Variants in LRRFIP2 observed in about 807,000 individuals in gnomAD.
The protein encoded by LRRFIP2 is LRR binding FLII interacting protein 2.
Under a neutral mutation model 125.9 loss-of-function variants are expected in LRRFIP2, and 109 were observed. That is an observed-to-expected ratio of 0.87 (90% CI 0.74 to 1.01). LRRFIP2 has a LOEUF of 1.01. LRRFIP2 is among the 50% of genes least tolerant of loss of function. The pLI, the probability that LRRFIP2 is intolerant of heterozygous loss-of-function variation, is 0.00. For synonymous variants in LRRFIP2, 291 were observed against 293.1 expected (o/e 0.99, Z 0.07); for missense variants, 850 against 862.3 (o/e 0.99, Z 0.18).
chr3:37,163,736 T>C (rs891960033), intron 1 of LRRFIP2, among the ~76,000 whole-genome samples: 1 of 152,162 alleles, frequency 6.6e-6, no homozygotes, highest in South Asian at 2.1e-4. Flanking sequence ...TTTTTCAAAA[T>C]TAAAAATTTT....
chr3:37,098,812 T>C lies in LRRFIP2; in HGVS notation c.874-2152A>G, dbSNP rs79815703. ...ATTATTCTTCAAGATGAAAGAAATATTATATTTGAATAAACTGCCTTATCT... is the reference window on the plus strand; with the variant it reads ...ATTATTCTTCAAGATGAAAGAAATACTATATTTGAATAAACTGCCTTATCT... On this transcript the variant is annotated intron_variant, in intron 15 of 27. Transcript: ENST00000336686. 5.3e-4 allele frequency among the ~76,000 whole-genome samples: 81 copies of C among 152,332 alleles called. No homozygotes were observed. The East Asian group carries it at 7.9e-3, about 15-fold the overall frequency.
At chr3:37,113,110 C>T in intron 7 of LRRFIP2, 130 bp from the exon 8 acceptor site, 1 of 514,178 alleles carries the variant, frequency 1.9e-6, no homozygotes, top group Non-Finnish European at 3.5e-6. Flanking sequence ...CAATTTATTT[C>T]CCAAAGGTTA....
chr3:37,113,694 T>A (rs2094643200), intron 7 of LRRFIP2, among the ~76,000 whole-genome samples: 1 of 152,154 alleles, frequency 6.6e-6, no homozygotes, highest in East Asian at 1.9e-4. Context: ...AAAACAGGAC[T>A]GAGAGAACAA....
chr3:37,087,403 T>C (rs1035956190), intron 18 of LRRFIP2, among the ~76,000 whole-genome samples: 1 of 152,132 alleles, frequency 6.6e-6, no homozygotes, highest in South Asian at 2.1e-4. Context: ...GAATTTAAGA[T>C]AGCTCAAGTA....
intron 17 of LRRFIP2, among the ~76,000 whole-genome samples, chr3:37,094,262 T>C (rs547859349): frequency 6.6e-6 from 1 of 152,224 alleles, no homozygotes; most frequent in Non-Finnish European, 1.5e-5. Flanking sequence ...TTTTTTAAAG[T>C]TCTCTTTTTC....
intron 4 of LRRFIP2, 118 bp downstream of exon 4, chr3:37,127,512 T>G: frequency 1.0e-6 from 1 of 980,964 alleles, no homozygotes; most frequent in Non-Finnish European, 1.6e-6. Flanking sequence ...CACTCTGACC[T>G]TTAGGTTCAC....
chr3:37,176,210 G>C (rs2096660671), upstream of LRRFIP2: 1 of 152,322 alleles, frequency 6.6e-6, no homozygotes, highest in African/African-American at 2.4e-5. Context: ...GATGGACGCG[G>C]CGGCTCCCGG....
At chr3:37,147,485 T>C (rs540690691) in intron 2 of LRRFIP2, among the ~76,000 whole-genome samples, 3 of 152,304 alleles carry the variant, frequency 2.0e-5, no homozygotes, top group African/African-American at 7.2e-5. Context: ...TTTGTTATAG[T>C]AATATCACAA....
intron 1 of LRRFIP2, among the ~76,000 whole-genome samples, chr3:37,149,332 C>A (rs999035302): frequency 1.3e-5 from 2 of 152,132 alleles, no homozygotes; most frequent in Non-Finnish European, 2.9e-5. Flanking sequence ...GCCTGGCCAA[C>A]ATGGTGAAAC....
Position 37,148,896 on chromosome 3 carries a change from C to G in LRRFIP2, c.88G>C (p.Glu30Gln). 3.1e-6 allele frequency: 5 copies of G among 1,614,070 alleles called. No individual in the cohort carries two copies. Among genetic ancestry groups the G allele is most frequent in the Non-Finnish European group, 4.2e-6 (5 of 1,179,972 alleles). ...EDEALSNIAR[E>Q]AEARLAAKRA... ...GAGAGGGGATTTACCAAACATACCT[C>G]TCTGGCAATGTTACTCAAAGCTTCA... Residue 30 changes from glutamate to glutamine, a missense_variant and splice_region_variant, in exon 2 of 28, where the codon GAG becomes CAG. Glu to Gln is a conservative substitution (Grantham distance 29, BLOSUM62 2). Transcript: ENST00000336686.
intron 19 of LRRFIP2, among the ~76,000 whole-genome samples, chr3:37,082,169 C>CA (rs2092698557): frequency 1.3e-5 from 2 of 151,814 alleles, no homozygotes; most frequent in African/African-American, 4.8e-5. Context: ...TGTGGGACAG[C>CA]AAAAAAAGGA....
chr3:37,088,641 G>GT (rs2093239440), intron 18 of LRRFIP2, among the ~76,000 whole-genome samples: 1 of 150,622 alleles, frequency 6.6e-6, no homozygotes, highest in Non-Finnish European at 1.5e-5. Flanking sequence ...GCAAGACTCC[G>GT]TATCTATAAA....
intron 19 of LRRFIP2, among the ~76,000 whole-genome samples, chr3:37,080,758 A>ATC (rs1456475479): frequency 6.6e-6 from 1 of 152,158 alleles, no homozygotes; most frequent in Non-Finnish European, 1.5e-5. Flanking sequence ...CAACATATAT[A>ATC]TTATAAGGAG....
intron 24 of LRRFIP2, among the ~76,000 whole-genome samples, chr3:37,059,262 G>A (rs995712773): frequency 2.0e-4 from 31 of 151,992 alleles, no homozygotes; most frequent in African/African-American, 7.3e-4. Flanking sequence ...CTATGTATCA[G>A]GCTACTTGGG....
rs986231139 is a variant in LRRFIP2 at position 37,060,500 on chromosome 3, G to A, written c.1750-1590C>T. On this transcript the variant is annotated intron_variant, in intron 24 of 27. Transcript: ENST00000336686. This position sits in a 1 kb window ranked among gnomAD's most constrained non-coding sequence, Gnocchi z 4.1. ...TTGTATTTTTAGTAGATGGGGTTTC[G>A]TCATGTTGGCCAGGCTGGTCTTGAA... Among the ~76,000 whole-genome samples, 1 of 151,666 alleles carries A rather than the reference G, an allele frequency of 6.6e-6. No individual in the cohort carries two copies. The highest frequency in any genetic ancestry group is 1.5e-5 in the Non-Finnish European group (1 of 67,930).
chr3:37,171,162 A>T (rs1265562140), intron 1 of LRRFIP2: 1 of 152,220 alleles, frequency 6.6e-6, no homozygotes, highest in African/African-American at 2.4e-5. Context: ...AGCACTAAAA[A>T]CTTGGATCCT....
intron 17 of LRRFIP2, among the ~76,000 whole-genome samples, chr3:37,093,782 C>T (rs1409233058): frequency 6.6e-6 from 1 of 152,128 alleles, no homozygotes; most frequent in Admixed American, 6.6e-5. Flanking sequence ...ACTACTTTTC[C>T]AGCCTTCTCT....
chr3:37,092,414 C>T (rs2093496385), intron 17 of LRRFIP2, among the ~76,000 whole-genome samples: 2 of 152,150 alleles, frequency 1.3e-5, no homozygotes, highest in African/African-American at 2.4e-5. Context: ...GTTTGACTGT[C>T]TTTTACTTAT....
At position 37,083,775 on chromosome 3, in the gene LRRFIP2, T is replaced by C; in HGVS notation, c.1139A>G (p.Lys380Arg). The stretch of plus-strand genomic sequence containing the variant: ...CTGTGCATTGGAAACCATGGCTTTC[T>C]TGTATTTTTCTTCCACTTCAGACAA... ...ESLSEVEEKY[K>R]KAMVSNAQLD... Residue 380 changes from lysine (K) to arginine (R), a missense_variant, in exon 19 of 28, where the codon AAG (lysine) becomes AGG (arginine). By Grantham distance (26) the Lys-to-Arg change is conservative. Coordinates refer to ENST00000336686, the MANE Select transcript of LRRFIP2 (RefSeq NM_006309.4). 1 of 1,592,284 alleles carries C rather than the reference T, an allele frequency of 6.3e-7. No homozygotes were observed. Among genetic ancestry groups the C allele is most frequent in the South Asian group, 1.2e-5 (1 of 85,760 alleles).
Sources: allele counts gnomAD v4.1 joint callset (sites outside exome capture counted in the v4.1 genomes callset), GRCh38; gene constraint gnomAD v4.1.1; non-coding constraint Gnocchi (gnomAD v3.1); transcripts MANE v1.5; gene names NCBI Gene and HGNC (gene_info 2026-07-23, HGNC 2026-07-21).